Variants in ATP10B observed in about 807,000 individuals in gnomAD.
The protein encoded by ATP10B is ATPase phospholipid transporting 10B (putative).
In ATP10B, 122 loss-of-function variants were observed where a neutral mutation model predicts 141.2. The observed-to-expected ratio is 0.86, with a 90% confidence interval of 0.75 to 1.00. ATP10B has a LOEUF of 1.00. ATP10B is among the 50% of genes least tolerant of loss of function. The pLI is 0.00. For synonymous variants in ATP10B, 685 were observed against 692.0 expected (o/e 0.99, Z 0.16); for missense variants, 1,876 against 1,825.3 (o/e 1.03, Z -0.51).
chr5:160,906,605 ACTT>A, the ATP10B span, among the ~76,000 whole-genome samples: 1 of 152,140 alleles, frequency 6.6e-6, no homozygotes, highest in African/African-American at 2.4e-5. Context: ...ACCCATCTCT[ACTT>A]CTTCTCCTTT....
At chr5:160,606,736 T>C (rs1390264878) in intron 19 of ATP10B, 29 bp downstream of exon 19, 2 of 1,594,770 alleles carry the variant, frequency 1.3e-6, no homozygotes, top group South Asian at 1.1e-5. Context: ...CCTGCCAAAG[T>C]GCCACCCGCA....
chr5:160,589,821 C>T (rs754416604), intron 23 of ATP10B, 125 bp from the exon 24 acceptor site: 2 of 689,598 alleles, frequency 2.9e-6, no homozygotes, highest in Non-Finnish European at 5.3e-6. Context: ...CAGCTGCCAT[C>T]TGTGTGGTAC....
At chr5:160,808,390 A>G (rs891082831) in intron 1 of ATP10B, among the ~76,000 whole-genome samples, 3 of 152,208 alleles carry the variant, frequency 2.0e-5, no homozygotes, top group Non-Finnish European at 4.4e-5. Context: ...TCTGAGAGTT[A>G]TCAGAGGATC....
At chr5:160,709,406 C>T (rs1765218317) in intron 3 of ATP10B, among the ~76,000 whole-genome samples, 2 of 152,060 alleles carry the variant, frequency 1.3e-5, no homozygotes, top group Non-Finnish European at 2.9e-5. Flanking sequence ...AGGTTATTCA[C>T]AGAAAAGAAA....
chr5:160,837,813 A>G (rs1775550507), intron 1 of ATP10B, among the ~76,000 whole-genome samples: 1 of 152,074 alleles, frequency 6.6e-6, no homozygotes, highest in South Asian at 2.1e-4. Flanking sequence ...CCTCCACCCC[A>G]TTCTTGCCCT....
At chr5:160,764,185 G>A (rs1050904066) in intron 2 of ATP10B, among the ~76,000 whole-genome samples, 1 of 152,002 alleles carries the variant, frequency 6.6e-6, no homozygotes, top group Non-Finnish European at 1.5e-5. Flanking sequence ...GAGAAATAGG[G>A]AATTATCCCC....
intron 1 of ATP10B, among the ~76,000 whole-genome samples, chr5:160,826,485 A>T (rs1774611089): frequency 6.6e-6 from 1 of 152,290 alleles, no homozygotes; most frequent in African/African-American, 2.4e-5. Flanking sequence ...TCTCCTCCGG[A>T]TCACTATAAT....
At chr5:160,576,344 C>T (rs1336351301) in intron 24 of ATP10B, among the ~76,000 whole-genome samples, 1 of 152,070 alleles carries the variant, frequency 6.6e-6, no homozygotes, top group Non-Finnish European at 1.5e-5. Context: ...TAAAAGTCAC[C>T]AAATTGAGAA....
At chr5:160,912,563 C>T in the ATP10B span, among the ~76,000 whole-genome samples, 2 of 151,120 alleles carry the variant, frequency 1.3e-5, no homozygotes, top group African/African-American at 2.4e-5. Context: ...CACGCCACCG[C>T]ACTCTAGCCT....
chr5:160,572,018 A>T (rs1754904602), intron 24 of ATP10B, among the ~76,000 whole-genome samples: 1 of 152,236 alleles, frequency 6.6e-6, no homozygotes, highest in South Asian at 2.1e-4. Context: ...GAGCCTAGGT[A>T]TTGATTTCTG....
chr5:160,773,822 T>C (rs1398212482), intron 2 of ATP10B, among the ~76,000 whole-genome samples: 1 of 149,074 alleles, frequency 6.7e-6, no homozygotes, highest in African/African-American at 2.4e-5. Context: ...CAGACAGTCT[T>C]ATTGTGTGCA....
At chr5:160,567,862 T>C (rs969676270) in intron 25 of ATP10B, among the ~76,000 whole-genome samples, 1 of 152,154 alleles carries the variant, frequency 6.6e-6, no homozygotes, top group African/African-American at 2.4e-5. Flanking sequence ...TAAGATCCAA[T>C]AGGAGACTAC....
At chr5:160,719,312 A>G (rs934349132) in intron 2 of ATP10B, among the ~76,000 whole-genome samples, 2 of 152,220 alleles carry the variant, frequency 1.3e-5, no homozygotes, top group Non-Finnish European at 2.9e-5. Context: ...AGGCAGGAGA[A>G]TGGTGTGAAC....
chr5:160,831,657 CA>C (rs936438757), intron 1 of ATP10B, among the ~76,000 whole-genome samples: 1 of 151,986 alleles, frequency 6.6e-6, no homozygotes, highest in African/African-American at 2.4e-5. Flanking sequence ...CATCTCTAAG[CA>C]AAAAGCCCTT....
chr5:160,870,421 C>T, the ATP10B span, among the ~76,000 whole-genome samples: 1 of 150,630 alleles, frequency 6.6e-6, no homozygotes, highest in Non-Finnish European at 1.5e-5. Context: ...AAAAAAAAAC[C>T]CCACAATTTG....
intron 12 of ATP10B, chr5:160,633,123 GTACAAATTAGTTCAACCATTGT>G (rs1336157518): frequency 6.6e-6 from 1 of 152,214 alleles, no homozygotes. Flanking sequence ...GTTGGTGGGA[GTACAAATTAGTTCAACCATTGT>G]GGAAGACAAA....
intron 1 of ATP10B, among the ~76,000 whole-genome samples, chr5:160,828,963 A>G (rs1453473704): frequency 2.8e-5 from 4 of 144,878 alleles, no homozygotes; most frequent in African/African-American, 1.0e-4. Context: ...AAGGACAAAA[A>G]ACCAAACACC....
intron 1 of ATP10B, among the ~76,000 whole-genome samples, chr5:160,817,563 G>T (rs116231668): frequency 0.33 from 50,632 of 151,972 alleles, 9,622 homozygotes; most frequent in East Asian, 0.44. Context: ...CATGTAAATG[G>T]CCATATTGCC....
intron 1 of ATP10B, among the ~76,000 whole-genome samples, chr5:160,821,690 C>T: frequency 6.6e-6 from 1 of 152,006 alleles, no homozygotes; most frequent in Non-Finnish European, 1.5e-5. Context: ...ATAGAGAGCC[C>T]AGAGTTAAAT....
Sources: gnomAD v4.1 joint callset for allele counts (sites outside exome capture counted in the v4.1 genomes callset) on GRCh38, gnomAD v4.1.1 for gene constraint, MANE v1.5 for transcripts, NCBI Gene and HGNC (gene_info 2026-07-23, HGNC 2026-07-21) for gene names.